The following ARMH3 variants were observed in gnomAD, a reference collection of about 807,000 sequenced individuals.
ARMH3 encodes the protein armadillo-like helical domain-containing protein 3.
In ARMH3, 60 loss-of-function variants were observed where a neutral mutation model predicts 99.1. That is an observed-to-expected ratio of 0.61 (90% CI 0.49 to 0.75). The LOEUF (loss-of-function observed/expected upper bound fraction) is 0.75. Ranked by LOEUF, ARMH3 falls within the 30% of genes least tolerant of loss-of-function variation. ARMH3 has a pLI of 0.00. For synonymous variants in ARMH3, 285 were observed against 292.8 expected, an observed-to-expected ratio of 0.97 and a Z score of 0.27; for missense variants, 679 against 843.1, an observed-to-expected ratio of 0.81 and a Z score of 2.41.
intron 23 of ARMH3, among the ~76,000 whole-genome samples, chr10:101,917,469 T>C (rs1430707376): frequency 6.6e-6 from 1 of 152,352 alleles, no homozygotes; most frequent in Non-Finnish European, 1.5e-5. Flanking sequence ...TTTCATTATA[T>C]AGATGTACCA....
At chr10:101,960,139 C>G (rs974616883) in intron 20 of ARMH3, among the ~76,000 whole-genome samples, 3 of 152,044 alleles carry the variant, frequency 2.0e-5, no homozygotes, top group African/African-American at 7.2e-5. Context: ...GATCGCACCA[C>G]TGCACTCCAC....
At chr10:101,888,863 A>G (rs912912347) in intron 24 of ARMH3, among the ~76,000 whole-genome samples, 3 of 152,266 alleles carry the variant, frequency 2.0e-5, no homozygotes, top group African/African-American at 7.2e-5. Context: ...AGGGGAAATC[A>G]GGCCAGATTT....
Position 101,897,560 on chromosome 10 carries a change from A to T in ARMH3, c.1782-8070T>A, listed in dbSNP as rs370562093. ...TGGCATTCCTTTTTTAAGTAATCTA[A>T]TACCTTCTAAAAGTAAGCCTAGGTT... On this transcript the variant is annotated intron_variant, in intron 23 of 25. Transcript: ENST00000370033. 1.7e-4 allele frequency among the ~76,000 whole-genome samples: 26 copies of T among 152,140 alleles called. No individual in the cohort carries two copies. In the East Asian group the frequency reaches 4.0e-3, roughly 24 times the overall value.
At chr10:102,047,113 T>C (rs1388301977) in intron 1 of ARMH3, among the ~76,000 whole-genome samples, 1 of 152,232 alleles carries the variant, frequency 6.6e-6, no homozygotes, top group African/African-American at 2.4e-5. Context: ...TCTAGTCAAG[T>C]TGATAGATGT....
At position 102,011,716 on chromosome 10, in the gene ARMH3, G is replaced by T. The variant is rs1034581364; in HGVS notation, c.831+7C>A. The T allele has an allele frequency of 1.2e-6, 2 of 1,601,024 alleles. No homozygotes were observed. Among genetic ancestry groups the T allele is most frequent in the Admixed American group, 1.7e-5 (1 of 58,406 alleles). ...TTTTCAGGAGAAAAAAAAAAAGCAG[G>T]ACTTACCATATTTGTTAAAGCAGAG... On this transcript the variant is annotated splice_region_variant and intron_variant, in intron 11 of 25. Coordinates refer to ENST00000370033, the MANE Select transcript of ARMH3 (RefSeq NM_024541.3).
At chr10:102,002,146 TGCCAGCAGGC>T in intron 14 of ARMH3, 74 bp from the exon 15 acceptor site, 1 of 1,576,930 alleles carries the variant, frequency 6.3e-7, no homozygotes, top group South Asian at 1.2e-5. Context: ...ATAGCCAATT[TGCCAGCAGGC>T]AAAAAAATCA....
intron 24 of ARMH3, among the ~76,000 whole-genome samples, chr10:101,853,391 G>A (rs2066653241): frequency 1.3e-5 from 2 of 152,184 alleles, no homozygotes; most frequent in Admixed American, 6.5e-5. Context: ...TGCCTGGCCT[G>A]GGACTTTGCT....
chr10:102,012,117 C>T (rs2066643469), intron 10 of ARMH3, among the ~76,000 whole-genome samples: 1 of 152,168 alleles, frequency 6.6e-6, no homozygotes, highest in Non-Finnish European at 1.5e-5. Flanking sequence ...AGGGCTACAA[C>T]ACTGAAAATC....
At chr10:101,986,317 G>A (rs1466196157) in intron 19 of ARMH3, among the ~76,000 whole-genome samples, 1 of 152,144 alleles carries the variant, frequency 6.6e-6, no homozygotes, top group Non-Finnish European at 1.5e-5. Context: ...CTCTCCCAGA[G>A]ACTATATCCC....
At chr10:101,912,622 G>A (rs1224385749) in intron 23 of ARMH3, among the ~76,000 whole-genome samples, 1 of 152,138 alleles carries the variant, frequency 6.6e-6, no homozygotes, top group Non-Finnish European at 1.5e-5. Context: ...AGTAAAGACA[G>A]TTTACATCTT....
At chr10:101,870,605 CACA>C (rs1400745837) in intron 24 of ARMH3, among the ~76,000 whole-genome samples, 1 of 152,034 alleles carries the variant, frequency 6.6e-6, no homozygotes, top group East Asian at 1.9e-4. Context: ...AAATTCTTCC[CACA>C]AAGAAAACTA....
At chr10:101,918,317 G>C (rs567419882) in intron 23 of ARMH3, among the ~76,000 whole-genome samples, 1 of 152,322 alleles carries the variant, frequency 6.6e-6, no homozygotes, top group East Asian at 1.9e-4. Flanking sequence ...GCCTCCCAAA[G>C]TGCTGGGATT....
chr10:101,910,676 G>A (rs1408648817), intron 23 of ARMH3, among the ~76,000 whole-genome samples: 1 of 150,372 alleles, frequency 6.7e-6, no homozygotes, highest in Non-Finnish European at 1.5e-5. Flanking sequence ...AGGTTGCAGT[G>A]AGCTGAGATC....
chr10:101,847,541 G>A lies in ARMH3; in HGVS notation c.2057C>T (p.Ser686Phe). The A allele has an allele frequency of 3.1e-6, 5 of 1,614,142 alleles. No homozygotes were observed. Among genetic ancestry groups the A allele is most frequent in the African/African-American group, 1.3e-5 (1 of 75,058 alleles). Residue 686 changes from serine to phenylalanine, a missense_variant, in exon 26 of 26, where the codon TCC becomes TTC. By Grantham distance (155) the Ser-to-Phe change is radical. This residue lies in a region of ARMH3 where 389 missense variants were observed against 456.5 expected (regional missense o/e 0.85). Transcript: ENST00000370033. ...LSQEVLLKEF[S>F]TIS is the part of the protein sequence containing the mutation. The stretch of plus-strand genomic sequence containing the variant: ...GTAGGCGTGGCCTCAGGAGATAGTG[G>A]AGAACTCCTTGAGCAGGACTTCTTG...
intron 17 of ARMH3, among the ~76,000 whole-genome samples, chr10:101,993,176 C>T (rs1846882665): frequency 6.7e-6 from 1 of 150,180 alleles, no homozygotes; most frequent in Non-Finnish European, 1.5e-5. Flanking sequence ...GAGGCTGAGG[C>T]AGAAGAACTG....
intron 24 of ARMH3, among the ~76,000 whole-genome samples, chr10:101,871,467 A>T (rs1270483263): frequency 1.3e-5 from 2 of 152,380 alleles, no homozygotes; most frequent in East Asian, 3.9e-4. Flanking sequence ...ATTTAGACGT[A>T]TAGACCAATG....
At chr10:102,046,134 A>G (rs2067543789) in intron 1 of ARMH3, among the ~76,000 whole-genome samples, 1 of 152,012 alleles carries the variant, frequency 6.6e-6, no homozygotes, top group Admixed American at 6.6e-5. Context: ...GAGTCTATTT[A>G]GCTCTTATTA....
intron 15 of ARMH3, 38 bp downstream of exon 15, chr10:102,001,933 C>T (rs748419965): frequency 4.4e-6 from 7 of 1,584,188 alleles, no homozygotes; most frequent in Admixed American, 1.7e-5. Context: ...CCTGCCACAC[C>T]TTTGACTTCC....
At chr10:101,936,966 T>C (rs1174794485) in intron 23 of ARMH3, among the ~76,000 whole-genome samples, 2 of 152,152 alleles carry the variant, frequency 1.3e-5, no homozygotes, top group African/African-American at 2.4e-5. Context: ...CCTGGTGAAA[T>C]AGTTGCTATC....
Sources: allele counts gnomAD v4.1 joint callset (sites outside exome capture counted in the v4.1 genomes callset), GRCh38; gene constraint gnomAD v4.1.1; regional missense constraint gnomAD v4.1.1; transcripts MANE v1.5; gene names NCBI Gene and HGNC (gene_info 2026-07-23, HGNC 2026-07-21).